The following CORIN variants were observed in gnomAD, a reference collection of about 807,000 sequenced individuals.
CORIN encodes atrial natriuretic peptide-converting enzyme.
Under a neutral mutation model 125.3 loss-of-function variants are expected in CORIN, and 117 were observed. The ratio of observed to expected loss-of-function variants is 0.93; its 90% CI spans 0.80 to 1.09. The LOEUF (loss-of-function observed/expected upper bound fraction) is 1.09. CORIN is among the 50% of genes least tolerant of loss of function. The pLI, the probability that CORIN is intolerant of heterozygous loss-of-function variation, is 0.00. For synonymous variants in CORIN, 450 were observed against 466.4 expected, an observed-to-expected ratio of 0.96 and a Z score of 0.45; for missense variants, 1,253 against 1,306.7, an observed-to-expected ratio of 0.96 and a Z score of 0.63.
Position 47,786,856 on chromosome 4 carries a change from C to G in CORIN, c.278G>C (p.Gly93Ala). The G allele has an allele frequency of 6.2e-7, 1 of 1,613,682 alleles. No individual in the cohort carries two copies. Among genetic ancestry groups the G allele is most frequent in the Non-Finnish European group, 8.5e-7 (1 of 1,179,688 alleles). ...EPLVTDGEIQ[G>A]SDVILTNTIY... is the part of the protein sequence containing the mutation. ...TGTATTTGTAAGAATAACATCGGAC[C>G]CTTGGATTTCACCATCAGTGACCAA... The change falls in exon 3 of 22, where the codon GGG (glycine) becomes GCG (alanine). Residue 93 changes from glycine to alanine, a missense_variant. Physicochemically the swap from Gly to Ala is moderately conservative, Grantham distance 60 (BLOSUM62 0). Coordinates refer to ENST00000273857, the MANE Select transcript of CORIN (RefSeq NM_006587.4).
chr4:47,703,694 T>C (rs1726413370), intron 5 of CORIN, among the ~76,000 whole-genome samples: 4 of 152,250 alleles, frequency 2.6e-5, no homozygotes, highest in Admixed American at 1.3e-4. Context: ...CAGTATGTTC[T>C]GTTTACTAAG....
At chr4:47,644,489 A>T (rs563530897) in intron 14 of CORIN, among the ~76,000 whole-genome samples, 13 of 152,212 alleles carry the variant, frequency 8.5e-5, no homozygotes, top group Non-Finnish European at 1.5e-4. Flanking sequence ...CTTTTCTGTT[A>T]TTTGTAGGTA....
chr4:47,627,318 A>C (rs145580699), intron 16 of CORIN, among the ~76,000 whole-genome samples: 20 of 151,764 alleles, frequency 1.3e-4, no homozygotes, highest in African/African-American at 4.1e-4. Context: ...TTGTAATCAC[A>C]TAATAGAAAA....
intron 1 of CORIN, among the ~76,000 whole-genome samples, chr4:47,819,826 G>A (rs1371775544): frequency 6.6e-6 from 1 of 152,158 alleles, no homozygotes; most frequent in Non-Finnish European, 1.5e-5. Flanking sequence ...CTTAGGATCT[G>A]TGAGACATCA....
At chr4:47,612,874 C>G (rs761181849) in intron 19 of CORIN, among the ~76,000 whole-genome samples, 4 of 152,184 alleles carry the variant, frequency 2.6e-5, no homozygotes, top group Non-Finnish European at 5.9e-5. Context: ...TGATAGAAAG[C>G]TAGCCGTCGG....
chr4:47,799,419 C>T (rs1731437857), intron 2 of CORIN, among the ~76,000 whole-genome samples: 1 of 152,040 alleles, frequency 6.6e-6, no homozygotes. Flanking sequence ...TTCTCAACAG[C>T]ATCTGTTGTT....
rs533155891 is a variant in CORIN at position 47,652,157 on chromosome 4, A to C, written c.1843+1396T>G. Among the ~76,000 whole-genome samples, 8 of 152,318 alleles carry C rather than the reference A, an allele frequency of 5.3e-5. No homozygotes were observed. The South Asian group carries it at 1.7e-3, about 32-fold the overall frequency. ...GATTTATTTCTTTACAAAACAAAAA[A>C]CCACAAACAAGCAAACAACAGTAGC... On this transcript the variant is annotated intron_variant, in intron 13 of 21. Transcript: ENST00000273857.
intron 10 of CORIN, among the ~76,000 whole-genome samples, chr4:47,667,422 G>A (rs1364492842): frequency 6.6e-6 from 1 of 152,154 alleles, no homozygotes; most frequent in Non-Finnish European, 1.5e-5. Context: ...TCCCTGTGTG[G>A]AGAGGCAGGC....
chr4:47,597,931 G>A (rs1425768243), intron 21 of CORIN, among the ~76,000 whole-genome samples: 1 of 152,134 alleles, frequency 6.6e-6, no homozygotes, highest in East Asian at 1.9e-4. Flanking sequence ...CTAGAAAGAG[G>A]AGGTCAAAGG....
chr4:47,629,843 G>A (rs778453508), intron 16 of CORIN, among the ~76,000 whole-genome samples: 12 of 152,104 alleles, frequency 7.9e-5, no homozygotes, highest in Admixed American at 1.3e-4. Flanking sequence ...ACTCTGTGAC[G>A]TAGACTTTAT....
intron 19 of CORIN, among the ~76,000 whole-genome samples, chr4:47,616,994 G>T (rs2109538997): frequency 6.6e-6 from 1 of 152,366 alleles, no homozygotes; most frequent in South Asian, 2.1e-4. Flanking sequence ...CCATACTCAA[G>T]GGAAAGCAGT....
intron 1 of CORIN, among the ~76,000 whole-genome samples, chr4:47,832,736 C>G (rs1733114446): frequency 6.6e-6 from 1 of 151,968 alleles, no homozygotes. Flanking sequence ...GTGCCTTGGC[C>G]TAGGAAAATT....
At position 47,730,799 on chromosome 4, in the gene CORIN, A is replaced by T. The variant is rs565999583; in HGVS notation, c.799+13603T>A. 2.6e-5 allele frequency among the ~76,000 whole-genome samples: 4 copies of T among 152,372 alleles called. No individual in the cohort carries two copies. In the South Asian group the frequency reaches 8.3e-4, roughly 32 times the overall value. ...AGTTGTAAAGACCAAGGGCTTTTAT[A>T]CTGAGTGAGAGGGAAAGCCTTAGGA... is the stretch of plus-strand genomic sequence containing the variant. On this transcript the variant is annotated intron_variant, in intron 5 of 21. Transcript: ENST00000273857.
At chr4:47,626,298 A>G in intron 17 of CORIN, 107 bp downstream of exon 17, 1 of 727,556 alleles carries the variant, frequency 1.4e-6, no homozygotes, top group South Asian at 1.6e-5. Flanking sequence ...CTCTTTACTG[A>G]TATGACAAAT....
At chr4:47,793,303 C>A (rs545161352) in intron 2 of CORIN, among the ~76,000 whole-genome samples, 1 of 152,014 alleles carries the variant, frequency 6.6e-6, no homozygotes, top group African/African-American at 2.4e-5. Context: ...CATAAATATT[C>A]GTTGAACGTA....
chr4:47,771,774 C>A (rs1730043922), intron 3 of CORIN, among the ~76,000 whole-genome samples: 1 of 152,098 alleles, frequency 6.6e-6, no homozygotes, highest in African/African-American at 2.4e-5. Context: ...AAGAGAAAAT[C>A]AGGAAACAAA....
chr4:47,800,797 C>T (rs1238743543), intron 2 of CORIN, among the ~76,000 whole-genome samples: 1 of 152,194 alleles, frequency 6.6e-6, no homozygotes, highest in Non-Finnish European at 1.5e-5. Context: ...ACCCTCTGAC[C>T]TCTGGCATCT....
chr4:47,734,588 C>A (rs1728039057), intron 5 of CORIN, among the ~76,000 whole-genome samples: 1 of 152,196 alleles, frequency 6.6e-6, no homozygotes, highest in African/African-American at 2.4e-5. Flanking sequence ...CTGTTTCTTA[C>A]ACGTGGGTAT....
intron 19 of CORIN, among the ~76,000 whole-genome samples, chr4:47,613,814 G>C (rs1389223019): frequency 1.9e-4 from 23 of 120,884 alleles, no homozygotes; most frequent in Non-Finnish European, 3.7e-4. Flanking sequence ...GTTGTGGGGT[G>C]GGGGGAGGGG....
Sources: gnomAD v4.1 joint callset for allele counts (sites outside exome capture counted in the v4.1 genomes callset) on GRCh38, gnomAD v4.1.1 for gene constraint, MANE v1.5 for transcripts, NCBI Gene and HGNC (gene_info 2026-07-23, HGNC 2026-07-21) for gene names.